EXOC4: variants seen among roughly 807,000 people sequenced by gnomAD.
EXOC4 encodes exocyst complex component 4.
Under a neutral mutation model 107.2 loss-of-function variants are expected in EXOC4, and 71 were observed. The ratio of observed to expected loss-of-function variants is 0.66; its 90% CI spans 0.55 to 0.81. The LOEUF (loss-of-function observed/expected upper bound fraction) is 0.81. EXOC4 is among the 30% of genes least tolerant of loss of function. EXOC4 has a pLI of 0.00. For synonymous variants in EXOC4, 456 were observed against 441.2 expected (o/e 1.03, Z -0.42); for missense variants, 1,108 against 1,189.6 (o/e 0.93, Z 1.01).
In EXOC4 at chr7:133,837,369, C is replaced by G. The variant is rs141277967; in HGVS notation, c.1734+19825C>G. ...ACCTCTTCTGCATTTTCTCCTAGCT[C>G]TAACATTTGGCAGTGCTCCAAAAAA... On this transcript the variant is annotated intron_variant, in intron 11 of 17. Transcript: ENST00000253861. 2.4e-3 allele frequency among the ~76,000 whole-genome samples: 365 copies of G among 152,248 alleles called. 5 individuals carry two copies. The highest frequency in any genetic ancestry group is 8.2e-3 in the African/African-American group (341 of 41,550).
intron 7 of EXOC4, among the ~76,000 whole-genome samples, chr7:133,459,362 A>G (rs1798536609): frequency 6.6e-6 from 1 of 152,224 alleles, no homozygotes; most frequent in Admixed American, 6.5e-5. Context: ...CTCATGTCAT[A>G]TGGAGTCAAG....
At chr7:133,290,520 A>G (rs1794380409) in intron 3 of EXOC4, among the ~76,000 whole-genome samples, 1 of 152,258 alleles carries the variant, frequency 6.6e-6, no homozygotes, top group Non-Finnish European at 1.5e-5. Flanking sequence ...ATAAGCAAGT[A>G]TACATTTGTG....
intron 10 of EXOC4, among the ~76,000 whole-genome samples, chr7:133,704,177 T>C (rs1794721480): frequency 6.6e-6 from 1 of 152,220 alleles, no homozygotes; most frequent in African/African-American, 2.4e-5. Context: ...GGTCTTGACC[T>C]CCTGCAATTA....
At chr7:133,678,508 A>G (rs1794114524) in intron 10 of EXOC4, among the ~76,000 whole-genome samples, 2 of 152,192 alleles carry the variant, frequency 1.3e-5, no homozygotes, top group East Asian at 1.9e-4. Flanking sequence ...TTATAAATTT[A>G]GTCACATACC....
intron 9 of EXOC4, among the ~76,000 whole-genome samples, chr7:133,504,761 CG>C (rs1398212077): frequency 6.6e-6 from 1 of 151,748 alleles, no homozygotes; most frequent in Admixed American, 6.6e-5. Flanking sequence ...ATATTTCTGC[CG>C]GGGTAACTGT....
the EXOC4 span, among the ~76,000 whole-genome samples, chr7:134,092,940 G>GAAAAAAAAA: frequency 7.9e-6 from 1 of 126,246 alleles, no homozygotes; most frequent in African/African-American, 3.5e-5. Context: ...AAAAAAAAAG[G>GAAAAAAAAA]AAACCAAAGA....
chr7:133,982,291 G>A (rs972070048), intron 14 of EXOC4, among the ~76,000 whole-genome samples: 1 of 152,170 alleles, frequency 6.6e-6, no homozygotes. Flanking sequence ...GGTGGCTCAC[G>A]CCTGTAATCC....
chr7:133,819,277 CTT>C (rs59308684), intron 11 of EXOC4, among the ~76,000 whole-genome samples: 1 of 142,748 alleles, frequency 7.0e-6, no homozygotes, highest in African/African-American at 2.6e-5. Context: ...AAATGGAATA[CTT>C]TTTTTTTTTT....
chr7:133,973,147 G>A (rs1463000117), intron 14 of EXOC4, among the ~76,000 whole-genome samples: 2 of 152,138 alleles, frequency 1.3e-5, no homozygotes, highest in Admixed American at 6.5e-5. Flanking sequence ...GGATAAACAA[G>A]ACCCAGCCTC....
intron 10 of EXOC4, among the ~76,000 whole-genome samples, chr7:133,715,791 G>C (rs1003676315): frequency 9.2e-5 from 14 of 152,218 alleles, no homozygotes; most frequent in African/African-American, 3.4e-4. Context: ...AAGGGAGGAT[G>C]CTAGGGTACC....
At chr7:134,068,377 A>G (rs371885188), downstream of EXOC4, among the ~76,000 whole-genome samples, 15 of 152,318 alleles carry the variant, frequency 9.8e-5, no homozygotes, top group East Asian at 2.9e-3. Context: ...TTAGTGTCAC[A>G]GCATCCAATG....
At chr7:133,512,467 T>C (rs559814440) in intron 9 of EXOC4, among the ~76,000 whole-genome samples, 4 of 151,662 alleles carry the variant, frequency 2.6e-5, no homozygotes, top group Admixed American at 2.0e-4. Context: ...GGATCTAGCC[T>C]AGTCTACAGA....
intron 17 of EXOC4, among the ~76,000 whole-genome samples, chr7:134,050,939 C>T (rs1795770299): frequency 1.3e-5 from 2 of 151,798 alleles, no homozygotes; most frequent in African/African-American, 4.8e-5. Context: ...TGTAACAATC[C>T]AATGAGAAGA....
At chr7:133,952,427 C>G (rs1360845147) in intron 14 of EXOC4, among the ~76,000 whole-genome samples, 1 of 152,154 alleles carries the variant, frequency 6.6e-6, no homozygotes. Flanking sequence ...AACACACTTA[C>G]AGGAATTCTG....
At chr7:134,098,687 A>G in the EXOC4 span, among the ~76,000 whole-genome samples, 3 of 152,192 alleles carry the variant, frequency 2.0e-5, no homozygotes, top group African/African-American at 7.2e-5. Context: ...TCTGGGGACA[A>G]CTGTCATGGC....
chr7:133,298,397 ACTTT>A (rs1434112417), intron 3 of EXOC4, among the ~76,000 whole-genome samples: 1 of 152,074 alleles, frequency 6.6e-6, no homozygotes, highest in Non-Finnish European at 1.5e-5. Flanking sequence ...TTGTTCTGTA[ACTTT>A]TTCTTGTCCC....
rs149188484 is a variant in EXOC4, at chr7:133,791,970, C to T, written c.1515-25355C>T. ...ACATCATTGAACATTGTTTTTCACACGCAGATGAGACTCTGTTGAAGGGAG... is the reference window on the plus strand; with the variant it reads ...ACATCATTGAACATTGTTTTTCACATGCAGATGAGACTCTGTTGAAGGGAG... On this transcript the variant is annotated intron_variant, in intron 10 of 17. Transcript: ENST00000253861. Among the ~76,000 whole-genome samples the T allele has an allele frequency of 9.3e-4, 142 of 152,242 alleles. No individual in the cohort carries two copies. In the Middle Eastern group the frequency reaches 0.024, roughly 26 times the overall value.
At chr7:133,733,627 G>C (rs1044587784) in intron 10 of EXOC4, 3 of 152,254 alleles carry the variant, frequency 2.0e-5, no homozygotes, top group Non-Finnish European at 1.5e-5. Context: ...AGGAAAGAAA[G>C]TGCCTCAAAT....
chr7:133,281,563 CTT>C (rs1420744701), intron 2 of EXOC4, among the ~76,000 whole-genome samples: 2 of 152,084 alleles, frequency 1.3e-5, no homozygotes, highest in East Asian at 3.9e-4. Context: ...TCATAGATAA[CTT>C]TTTAGGATAT....
Sources: allele counts gnomAD v4.1 joint callset (sites outside exome capture counted in the v4.1 genomes callset), GRCh38; gene constraint gnomAD v4.1.1; transcripts MANE v1.5; gene names NCBI Gene and HGNC (gene_info 2026-07-23, HGNC 2026-07-21).